The following TRIM22 variants were observed in gnomAD, a reference collection of about 807,000 sequenced individuals.
The protein encoded by TRIM22 is tripartite motif containing 22, also known as E3 ubiquitin-protein ligase TRIM22.
In TRIM22, 45 loss-of-function variants were observed where a neutral mutation model predicts 53.6. That is an observed-to-expected ratio of 0.84 (90% CI 0.66 to 1.08). The LOEUF (loss-of-function observed/expected upper bound fraction) is 1.08, where lower values mean the gene tolerates loss of function less well. Among genes scored for constraint, TRIM22 ranks in the 50% least tolerant of loss-of-function variants. TRIM22 has a pLI of 0.00. For synonymous variants in TRIM22, 225 were observed against 216.6 expected (o/e 1.04, Z -0.34); for missense variants, 616 against 590.9 (o/e 1.04, Z -0.44).
At chr11:5,694,872 T>A (rs1488087057) in intron 1 of TRIM22, among the ~76,000 whole-genome samples, 1 of 152,070 alleles carries the variant, frequency 6.6e-6, no homozygotes, top group Non-Finnish European at 1.5e-5. Context: ...GGTAGATGTG[T>A]TAGGATGTAA....
Position 5,706,534 on chromosome 11 carries a change from A to T in TRIM22, c.751-60A>T, listed in dbSNP as rs369906796. The T allele has an allele frequency of 1.3e-5, 21 of 1,566,152 alleles. No homozygotes were observed. In the African/African-American group the frequency reaches 2.7e-4, roughly 20 times the overall value. ...ATCCCAAATTCTAATTGAACTAGCCACTTTTATGTTCTAAATCTGGCAACC... is the reference window on the plus strand; with the variant it reads ...ATCCCAAATTCTAATTGAACTAGCCTCTTTTATGTTCTAAATCTGGCAACC... On this transcript the variant is annotated intron_variant, in intron 4 of 7. Coordinates refer to ENST00000379965, the MANE Select transcript of TRIM22 (RefSeq NM_006074.5).
chr11:5,706,357 T>C (rs763976239), intron 4 of TRIM22, among the ~76,000 whole-genome samples: 31 of 152,192 alleles, frequency 2.0e-4, no homozygotes, highest in Non-Finnish European at 1.8e-4. Flanking sequence ...CTTTGTAAGA[T>C]AGGAGGGCCT....
At chr11:5,693,912 A>G (rs1287769474) in intron 1 of TRIM22, among the ~76,000 whole-genome samples, 2 of 152,162 alleles carry the variant, frequency 1.3e-5, no homozygotes, top group African/African-American at 2.4e-5. Flanking sequence ...TCTGAAGGCT[A>G]TGAAGGAGGC....
chr11:5,693,721 CAAAAAAAA>C (rs60530986), intron 1 of TRIM22, among the ~76,000 whole-genome samples: 32 of 87,442 alleles, frequency 3.7e-4, no homozygotes, highest in Non-Finnish European at 6.2e-5. Flanking sequence ...GACTCCGTCT[CAAAAAAAA>C]AAAAAAAAAA....
intron 4 of TRIM22, among the ~76,000 whole-genome samples, chr11:5,702,863 A>T (rs1329941822): frequency 6.6e-6 from 1 of 152,108 alleles, no homozygotes; most frequent in Admixed American, 6.6e-5. Flanking sequence ...TTCCTTCATT[A>T]TTGCGGGACA....
At chr11:5,704,431 C>A (rs1257162684) in intron 4 of TRIM22, among the ~76,000 whole-genome samples, 1 of 151,930 alleles carries the variant, frequency 6.6e-6, no homozygotes, top group Admixed American at 6.6e-5. Flanking sequence ...TTAGGATGTT[C>A]TCTTTTATTA....
Position 5,710,671 on chromosome 11 carries a change from T to C in TRIM22, c.*1023T>C, listed in dbSNP as rs144728191. The stretch of plus-strand genomic sequence containing the variant: ...ATTAATATTGGTGTTCAAGACTATA[T>C]CTAATTCCTCTGATCACTTTGAGAA... On this transcript the variant is annotated 3_prime_UTR_variant, in exon 8 of 8. Coordinates refer to ENST00000379965, the MANE Select transcript of TRIM22 (RefSeq NM_006074.5). 2.6e-5 allele frequency: 4 copies of C among 152,352 alleles called. No homozygotes were observed. In the East Asian group the frequency reaches 7.7e-4, roughly 29 times the overall value. The allele number at this position is 152,352 out of a possible 1,614,324, so 9.4% of individuals were successfully genotyped here. A position where few individuals can be genotyped will look rare whatever the true frequency, so the allele number is the denominator to read the frequency against.
In TRIM22 at chr11:5,709,476, G is replaced by A. The variant is rs756327183; in HGVS notation, c.1325G>A (p.Arg442His). ...CTCTTTATGGCTGTGCCTCCCTGTCGTATTGGGGTTTTCCTAGACTATGAG... is the reference window on the plus strand; with the variant it reads ...CTCTTTATGGCTGTGCCTCCCTGTCATATTGGGGTTTTCCTAGACTATGAG... Reference protein sequence around the residue: ...LTLFMAVPPCRIGVFLDYEAG... With the variant: ...LTLFMAVPPCHIGVFLDYEAG... The change falls in exon 8 of 8, where the codon CGT becomes CAT. Residue 442 changes from arginine (R) to histidine (H), a missense_variant. Physicochemically the swap from Arg to His is conservative, Grantham distance 29 (BLOSUM62 0). Coordinates refer to ENST00000379965, the MANE Select transcript of TRIM22 (RefSeq NM_006074.5). The A allele has an allele frequency of 1.4e-5, 22 of 1,614,062 alleles. No homozygotes were observed. Among genetic ancestry groups the A allele is most frequent in the East Asian group, 2.2e-5 (1 of 44,878 alleles).
Position 5,690,617 on chromosome 11 carries a change from G to A in TRIM22, c.-67+718G>A, listed in dbSNP as rs151147170. ...AGAGAAGAAAAGTGAAGTGGGGAGG[G>A]GCACTGTGAATTAAAGAATAAAGGA... On this transcript the variant is annotated intron_variant, in intron 1 of 7. Transcript: ENST00000379965. Among the ~76,000 whole-genome samples, 17 of 152,124 alleles carry A rather than the reference G, an allele frequency of 1.1e-4. No individual in the cohort carries two copies. In the East Asian group the frequency reaches 3.3e-3, roughly 29 times the overall value.
intron 1 of TRIM22, among the ~76,000 whole-genome samples, chr11:5,690,300 G>T (rs1345541164): frequency 6.6e-6 from 1 of 152,194 alleles, no homozygotes; most frequent in African/African-American, 2.4e-5. Context: ...GAGCACACTA[G>T]AACAAAGGAG....
chr11:5,691,317 T>C (rs1032129885), intron 1 of TRIM22: 2 of 152,202 alleles, frequency 1.3e-5, no homozygotes, highest in African/African-American at 4.8e-5. Context: ...TCGTGATCGA[T>C]TGAGCAAGCA....
rs1403414085 is a variant in TRIM22 at position 5,697,265 on chromosome 11, C to A, written c.441C>A (p.Ala147=). The A allele has an allele frequency of 6.2e-7, 1 of 1,612,250 alleles. No homozygotes were observed. Among genetic ancestry groups the A allele is most frequent in the Admixed American group, 1.7e-5 (1 of 59,686 alleles). ...TCTTACAGGAAAAGCTGCAGGTAGC[C>A]CTGCAGAGGCTGATAAAGGAGGATC... The part of the protein sequence containing the change: ...VKECQEKLQV[A]LQRLIKEDQE... The change falls in exon 3 of 8, where the codon GCC becomes GCA. Residue 147 remains alanine, a synonymous_variant. Transcript: ENST00000379965.
At chr11:5,708,417 T>A in intron 6 of TRIM22, 144 bp downstream of exon 6, 1 of 974,840 alleles carries the variant, frequency 1.0e-6, no homozygotes, top group Non-Finnish European at 1.5e-6. Context: ...GATGTGGTCC[T>A]GTCTTAGGGG....
intron 4 of TRIM22, among the ~76,000 whole-genome samples, chr11:5,705,292 G>A (rs2134182019): frequency 1.3e-5 from 2 of 152,118 alleles, no homozygotes; most frequent in South Asian, 4.1e-4. Context: ...ATCATATCAG[G>A]GATAATAATT....
At chr11:5,692,899 C>T (rs1337869302) in intron 1 of TRIM22, among the ~76,000 whole-genome samples, 2 of 114,794 alleles carry the variant, frequency 1.7e-5, no homozygotes, top group African/African-American at 3.2e-5. Flanking sequence ...TTTCTTTTGA[C>T]GGAGTCTTGC....
At chr11:5,694,323 A>T (rs964636290) in intron 1 of TRIM22, among the ~76,000 whole-genome samples, 2 of 152,192 alleles carry the variant, frequency 1.3e-5, no homozygotes, top group African/African-American at 4.8e-5. Context: ...GTGTGATCCT[A>T]TAACTATTTT....
intron 2 of TRIM22, 151 bp downstream of exon 2, chr11:5,696,806 T>C: frequency 1.2e-6 from 1 of 811,212 alleles, no homozygotes; most frequent in Non-Finnish European, 1.9e-6. Flanking sequence ...TAGTTTCTGA[T>C]GCCTGAAGGA....
rs753737799 is a variant in TRIM22 at position 5,696,522 on chromosome 11, G to C, written c.290G>C (p.Cys97Ser). The C allele has an allele frequency of 1.1e-5, 18 of 1,614,120 alleles. No individual in the cohort carries two copies. Among genetic ancestry groups the C allele is most frequent in the Non-Finnish European group, 1.5e-5 (18 of 1,180,048 alleles). Reference protein sequence around the residue: ...SPQEGQKRDVCEHHGKKLQIF... With the variant: ...SPQEGQKRDVSEHHGKKLQIF... The stretch of plus-strand genomic sequence containing the variant: ...CAGGAGGGGCAGAAGAGAGATGTCT[G>C]TGAGCACCATGGAAAAAAACTCCAG... Residue 97 changes from cysteine to serine, a missense_variant, in exon 2 of 8, where the codon TGT (cysteine) becomes TCT (serine). By Grantham distance (112) the Cys-to-Ser change is moderately radical (BLOSUM62 -1). Transcript: ENST00000379965.
chr11:5,700,239 C>G (rs1853349100), intron 4 of TRIM22, among the ~76,000 whole-genome samples: 1 of 151,898 alleles, frequency 6.6e-6, no homozygotes, highest in Non-Finnish European at 1.5e-5. Context: ...TCTCCTGCCT[C>G]AGCCTCCCAG....
Sources: allele counts gnomAD v4.1 joint callset (sites outside exome capture counted in the v4.1 genomes callset), GRCh38; gene constraint gnomAD v4.1.1; transcripts MANE v1.5; gene names NCBI Gene and HGNC (gene_info 2026-07-23, HGNC 2026-07-21).